The following AXDND1 variants were observed in gnomAD, a reference collection of about 807,000 sequenced individuals.
AXDND1 encodes the protein axonemal dynein light chain domain containing 1.
AXDND1 carries 110 observed loss-of-function variants against 137.5 expected under a neutral mutation model. The observed-to-expected ratio is 0.80, with a 90% confidence interval of 0.69 to 0.94. The LOEUF (loss-of-function observed/expected upper bound fraction) is 0.94. AXDND1 is among the 40% of genes least tolerant of loss of function. The probability of loss-of-function intolerance (pLI) is 0.00; values close to 1 mark genes in which losing one functional copy is unlikely to be tolerated. For synonymous variants in AXDND1, 414 were observed against 399.7 expected (o/e 1.04, Z -0.43); for missense variants, 1,191 against 1,169.8 (o/e 1.02, Z -0.26).
intron 12 of AXDND1, among the ~76,000 whole-genome samples, chr1:179,423,093 C>T (rs1453589934): frequency 6.6e-6 from 1 of 151,926 alleles, no homozygotes; most frequent in Non-Finnish European, 1.5e-5. Context: ...TTAATGTTTG[C>T]TTTGTATAGT....
intron 12 of AXDND1, among the ~76,000 whole-genome samples, chr1:179,413,470 T>C (rs576164545): frequency 6.6e-6 from 1 of 152,338 alleles, no homozygotes; most frequent in African/African-American, 2.4e-5. Flanking sequence ...CATTGTTTAG[T>C]TCCCACTTAC....
At chr1:179,471,573 C>G (rs1288589042) in intron 17 of AXDND1, among the ~76,000 whole-genome samples, 1 of 152,180 alleles carries the variant, frequency 6.6e-6, no homozygotes, top group East Asian at 1.9e-4. Flanking sequence ...GTTTCCAATT[C>G]TAATAATTTG....
chr1:179,369,932 A>G, intron 3 of AXDND1, 43 bp from the exon 4 acceptor site: 1 of 1,435,906 alleles, frequency 7.0e-7, no homozygotes, highest in Non-Finnish European at 9.8e-7. Context: ...ATTTGATTAG[A>G]TCGCCCTCTG....
At position 179,539,615 on chromosome 1, in the gene AXDND1, C is replaced by G. The variant is rs531715269; in HGVS notation, c.3031+4653C>G. 1.4e-4 allele frequency among the ~76,000 whole-genome samples: 21 copies of G among 152,198 alleles called. No homozygotes were observed. In the South Asian group the frequency reaches 4.1e-3, roughly 30 times the overall value. On this transcript the variant is annotated intron_variant, in intron 25 of 25. Transcript: ENST00000367618. The stretch of plus-strand genomic sequence containing the variant: ...TAACCCAACCTTTCTCTCTGGCTGC[C>G]CTTAATATTTTTTCCTTCATTTCAA...
upstream of AXDND1, chr1:179,365,954 A>T (rs1401241097): frequency 6.5e-6 from 1 of 153,132 alleles, no homozygotes; most frequent in Non-Finnish European, 1.5e-5. Context: ...TTCTATGACG[A>T]CAAACAGGCG....
intron 22 of AXDND1, among the ~76,000 whole-genome samples, chr1:179,525,909 A>G (rs1468105304): frequency 6.6e-6 from 1 of 152,074 alleles, no homozygotes; most frequent in Non-Finnish European, 1.5e-5. Flanking sequence ...TCTTTTCCTC[A>G]TATAGATTTA....
chr1:179,389,323 T>C (rs1027711976), intron 9 of AXDND1, among the ~76,000 whole-genome samples: 13 of 152,224 alleles, frequency 8.5e-5, no homozygotes, highest in African/African-American at 2.9e-4. Flanking sequence ...CGTAGTCTTA[T>C]AAAATCTGCT....
At chr1:179,499,644 A>C (rs1179348899) in intron 20 of AXDND1, among the ~76,000 whole-genome samples, 1 of 152,288 alleles carries the variant, frequency 6.6e-6, no homozygotes, top group Middle Eastern at 3.4e-3. Flanking sequence ...GTTTTTGAAT[A>C]CCTGACTAAA....
chr1:179,445,984 T>C (rs1659679048), intron 16 of AXDND1, among the ~76,000 whole-genome samples: 1 of 152,182 alleles, frequency 6.6e-6, no homozygotes, highest in South Asian at 2.1e-4. Flanking sequence ...GGTTCCACTT[T>C]CTCTGCATAC....
At chr1:179,488,409 T>C (rs1040345940) in intron 18 of AXDND1, among the ~76,000 whole-genome samples, 3 of 147,628 alleles carry the variant, frequency 2.0e-5, no homozygotes, top group Admixed American at 6.7e-5. Context: ...ATTAAGTATG[T>C]GTGTGGTTTT....
chr1:179,378,635 AG>A lies in AXDND1; in HGVS notation c.376del. 1 of 1,568,786 alleles carries A rather than the reference AG, an allele frequency of 6.4e-7. No homozygotes were observed. The highest frequency in any genetic ancestry group is 8.7e-7 in the Non-Finnish European group (1 of 1,155,866). On this transcript the variant is annotated splice_acceptor_variant, in intron 4 of 25. Transcript: ENST00000367618. LOFTEE classifies it high-confidence loss of function. ...TGTAAATATATTTTTCTTACTTTTTAGGGATATTTCTTTTCTGTACGATGTA... is the reference window on the plus strand; with the variant it reads ...TGTAAATATATTTTTCTTACTTTTTAGGATATTTCTTTTCTGTACGATGTA...
chr1:179,486,139 A>AAAAAAAACCAAAAAACT (rs149119239), intron 18 of AXDND1, among the ~76,000 whole-genome samples: 2 of 87,768 alleles, frequency 2.3e-5, no homozygotes, highest in Non-Finnish European at 4.6e-5. Flanking sequence ...AAAAAAAAAA[A>AAAAAAAACCAAAAAACT]AACCTGATAG....
In AXDND1 at chr1:179,533,814, G is replaced by C; in HGVS notation, c.2735G>C (p.Gly912Ala). ...LSSWRESAKQ[G>A]TLAQKYLEAM... The stretch of plus-strand genomic sequence containing the variant: ...TGTCAGAGAGAGTCAGCTAAGCAAG[G>C]TACATTGGCCCAAAAATATCTTGAA... Residue 912 changes from glycine (G) to alanine (A), a missense_variant, in exon 24 of 26, where the codon GGT becomes GCT. Transcript: ENST00000367618. 1 of 1,612,850 alleles carries C rather than the reference G, an allele frequency of 6.2e-7. No homozygotes were observed. The highest frequency in any genetic ancestry group is 1.3e-5 in the African/African-American group (1 of 74,970).
At chr1:179,397,919 A>G (rs1214661046) in intron 11 of AXDND1, among the ~76,000 whole-genome samples, 2 of 152,104 alleles carry the variant, frequency 1.3e-5, no homozygotes, top group Non-Finnish European at 1.5e-5. Context: ...GCATCCTTGA[A>G]TTGGGTTTCA....
At chr1:179,438,104 A>T (rs1421664777) in intron 15 of AXDND1, among the ~76,000 whole-genome samples, 1 of 152,182 alleles carries the variant, frequency 6.6e-6, no homozygotes, top group African/African-American at 2.4e-5. Context: ...GTGAGCCAAG[A>T]TCGTGCCACT....
rs746839216 is a variant in AXDND1, at chr1:179,411,196, A to C, written c.1160A>C (p.Glu387Ala). ...DLYTLQRERM[E>A]NDMKKLVAER... is the part of the protein sequence containing the mutation. ...TATACATTACAAAGAGAAAGGATGG[A>C]GAATGATATGAAAAAGTTAGTGGCA... is the stretch of plus-strand genomic sequence containing the variant. The change falls in exon 12 of 26, where the codon GAG (glutamate) becomes GCG (alanine). Residue 387 changes from glutamate to alanine, a missense_variant. Coordinates refer to ENST00000367618, the MANE Select transcript of AXDND1 (RefSeq NM_144696.6). 1.9e-6 allele frequency: 3 copies of C among 1,612,412 alleles called. No individual in the cohort carries two copies. Among genetic ancestry groups the C allele is most frequent in the Non-Finnish European group, 2.5e-6 (3 of 1,179,322 alleles).
At chr1:179,390,428 C>T (rs1032153272) in intron 9 of AXDND1, among the ~76,000 whole-genome samples, 1 of 152,166 alleles carries the variant, frequency 6.6e-6, no homozygotes, top group African/African-American at 2.4e-5. Context: ...GAAATGACTT[C>T]TTTGTATTAA....
At chr1:179,463,688 C>G (rs1662702319) in intron 16 of AXDND1, among the ~76,000 whole-genome samples, 1 of 152,156 alleles carries the variant, frequency 6.6e-6, no homozygotes, top group African/African-American at 2.4e-5. Context: ...AACTTTCTGT[C>G]TCCTTGATCT....
At chr1:179,525,644 G>A (rs1434228835) in intron 22 of AXDND1, among the ~76,000 whole-genome samples, 197 bp downstream of exon 22, 2 of 152,070 alleles carry the variant, frequency 1.3e-5, no homozygotes, top group Non-Finnish European at 2.9e-5. Context: ...CTACAGGCAT[G>A]CACCACCATG....
Sources: gnomAD v4.1 joint callset for allele counts (sites outside exome capture counted in the v4.1 genomes callset) on GRCh38, gnomAD v4.1.1 for gene constraint, MANE v1.5 for transcripts, NCBI Gene and HGNC (gene_info 2026-07-23, HGNC 2026-07-21) for gene names.